MUC17: variants seen among roughly 807,000 people sequenced by gnomAD.
MUC17 encodes the protein mucin-17.
Under a neutral mutation model 170.3 loss-of-function variants are expected in MUC17, and 190 were observed. That is an observed-to-expected ratio of 1.12 (90% CI 0.99 to 1.26). The LOEUF (loss-of-function observed/expected upper bound fraction) is 1.26. Among genes scored for constraint, MUC17 ranks in the 50% most tolerant of loss-of-function variants. The pLI, the probability that MUC17 is intolerant of heterozygous loss-of-function variation, is 0.00. For synonymous variants in MUC17, 2,325 were observed against 2,002.5 expected (o/e 1.16, Z -4.30); for missense variants, 6,415 against 5,530.0 (o/e 1.16, Z -5.08).
rs1562807445 is a variant in MUC17, at chr7:101,035,016, TC to T, written c.3602del (p.Pro1201LeufsTer21). The T allele has an allele frequency of 1.7e-5, 28 of 1,613,998 alleles. No individual in the cohort carries two copies. The highest frequency in any genetic ancestry group is 2.1e-5 in the Non-Finnish European group (25 of 1,179,998). ...CCACTTCTACTGAAGCCAGTTCACC[TC>T]CTCCAACTGCTGAAGTTACCAGCAT... ...VATSTEASSPPPTAEVTSMPT... is the reference protein window; with the variant it reads ...VATSTEASSPXPTAEVTSMPT... On this transcript the variant is annotated frameshift_variant, in exon 3 of 13. Transcript: ENST00000306151. LOFTEE classifies it high-confidence loss of function.
At chr7:101,057,169 T>C (rs1417731394) in intron 12 of MUC17, among the ~76,000 whole-genome samples, 3 of 152,226 alleles carry the variant, frequency 2.0e-5, no homozygotes, top group Non-Finnish European at 4.4e-5. Context: ...CTTCAACAAG[T>C]ATATAACATC....
intron 12 of MUC17, among the ~76,000 whole-genome samples, chr7:101,057,125 T>C (rs1002074647): frequency 1.3e-5 from 2 of 152,162 alleles, no homozygotes; most frequent in Non-Finnish European, 2.9e-5. Context: ...AGATTAAACA[T>C]TTTTGTTATA....
Position 101,053,037 on chromosome 7 carries a change from C to T in MUC17, c.13155C>T (p.Gly4385=), listed in dbSNP as rs1240382058. 1.2e-6 allele frequency: 2 copies of T among 1,614,164 alleles called. No individual in the cohort carries two copies. Among genetic ancestry groups the T allele is most frequent in the Non-Finnish European group, 8.5e-7 (1 of 1,180,028 alleles). Residue 4385 remains glycine (G), a synonymous_variant, in exon 10 of 13, where the codon GGC becomes GGT. Coordinates refer to ENST00000306151, the MANE Select transcript of MUC17 (RefSeq NM_001040105.2). Reference sequence around the variant, plus strand: ...ACAGTGGGGAGACCTGTAACCAGGGCACCCAGAAGAGTCTGGTGTACGGCC... The same window carrying T: ...ACAGTGGGGAGACCTGTAACCAGGGTACCCAGAAGAGTCTGGTGTACGGCC... ...HWYSGETCNQ[G]TQKSLVYGLV... is the part of the protein sequence containing the mutation.
chr7:101,045,760 T>C (rs1199836306), intron 3 of MUC17, among the ~76,000 whole-genome samples: 2 of 152,242 alleles, frequency 1.3e-5, no homozygotes, highest in Non-Finnish European at 2.9e-5. Context: ...TTGAGCTCTC[T>C]GATTCTCAGA....
rs749237615 is a variant in MUC17, at chr7:101,033,627, G to A, written c.2211G>A (p.Met737Ile). Residue 737 changes from methionine to isoleucine, a missense_variant, in exon 3 of 13, where the codon ATG (methionine) becomes ATA (isoleucine). Transcript: ENST00000306151. ...SSPTTADGASMPTSTPSEGST... is the reference protein window; with the variant it reads ...SSPTTADGASIPTSTPSEGST... ...CTACAACTGCTGATGGTGCCAGTAT[G>A]CCAACCTCAACTCCTAGTGAAGGAA... is the stretch of plus-strand genomic sequence containing the variant. 2 of 1,612,966 alleles carry A rather than the reference G, an allele frequency of 1.2e-6. No homozygotes were observed. Among genetic ancestry groups the A allele is most frequent in the Non-Finnish European group, 1.7e-6 (2 of 1,179,726 alleles).
Position 101,038,932 on chromosome 7 carries a change from C to G in MUC17, c.7516C>G (p.Pro2506Ala), listed in dbSNP as rs752883181. 9.3e-6 allele frequency: 15 copies of G among 1,613,914 alleles called. No homozygotes were observed. In the East Asian group the frequency reaches 2.7e-4, roughly 29 times the overall value. ...SPTTAEDIVV[P>A]ISTASEGSTL... ...TACAACTGCTGAAGATATCGTCGTG[C>G]CAATCTCAACTGCTAGTGAAGGAAG... The change falls in exon 3 of 13, where the codon CCA (proline) becomes GCA (alanine). Residue 2506 changes from proline to alanine, a missense_variant. Coordinates refer to ENST00000306151, the MANE Select transcript of MUC17 (RefSeq NM_001040105.2).
At position 101,032,710 on chromosome 7, in the gene MUC17, T is replaced by C. The variant is rs1387061188; in HGVS notation, c.1294T>C (p.Ser432Pro). ...TGTGACCACTGCTAGTGAAGCCAGC[T>C]CATCTCCCACAACTGCTGAAGATAC... ...TFVTTASEAS[S>P]SPTTAEDTSI... Residue 432 changes from serine to proline, a missense_variant, in exon 3 of 13, where the codon TCA becomes CCA. By Grantham distance (74) the Ser-to-Pro change is moderately conservative (BLOSUM62 -1). Transcript: ENST00000306151. 3 of 1,577,258 alleles carry C rather than the reference T, an allele frequency of 1.9e-6. No homozygotes were observed. In the South Asian group the frequency reaches 3.4e-5, roughly 18 times the overall value.
chr7:101,030,008 TA>T (rs1794248159), intron 1 of MUC17, among the ~76,000 whole-genome samples: 1 of 152,212 alleles, frequency 6.6e-6, no homozygotes, highest in African/African-American at 2.4e-5. Flanking sequence ...ACTTCCCAAG[TA>T]CTTAAGAAAT....
chr7:101,041,328 TC>T lies in MUC17; in HGVS notation c.9914del (p.Pro3305LeufsTer8), dbSNP rs1794694849. 1 of 1,611,070 alleles carries T rather than the reference TC, an allele frequency of 6.2e-7. No homozygotes were observed. The highest frequency in any genetic ancestry group is 1.3e-5 in the African/African-American group (1 of 74,550). The part of the protein sequence containing the change: ...SSETSTLSTT[P>X]ADTSTPVTTY... ...CTGAAACGAGCACCCTTTCAACAAC[TC>T]CTGCTGACACCAGCACACCTGTGAC... On this transcript the variant is annotated frameshift_variant, in exon 3 of 13. Transcript: ENST00000306151. LOFTEE classifies it high-confidence loss of function.
chr7:101,036,513 A>G lies in MUC17; in HGVS notation c.5097A>G (p.Thr1699=). The stretch of plus-strand genomic sequence containing the variant: ...CTTTAACAAGTATAACTGTCAGAAC[A>G]ACACCGGTGGCCAGCTCTGCAATCA... ...RTPLTSITVR[T]TPVASSAIST... Residue 1699 remains threonine, a synonymous_variant, in exon 3 of 13, where the codon ACA becomes ACG. Transcript: ENST00000306151. The G allele has an allele frequency of 6.3e-7, 1 of 1,596,308 alleles. No homozygotes were observed. Among genetic ancestry groups the G allele is most frequent in the Non-Finnish European group, 8.5e-7 (1 of 1,172,732 alleles).
chr7:101,041,891 C>A lies in MUC17; in HGVS notation c.10475C>A (p.Ser3492Tyr), dbSNP rs767059066. The change falls in exon 3 of 13, where the codon TCT (serine) becomes TAT (tyrosine). Residue 3492 changes from serine to tyrosine, a missense_variant. By Grantham distance (144) the Ser-to-Tyr change is moderately radical (BLOSUM62 -2). Coordinates refer to ENST00000306151, the MANE Select transcript of MUC17 (RefSeq NM_001040105.2). ...GACACCAGCACACCTGTGACCACTT[C>A]TTCTCCAACCAATTCATCTCCTACA... ...PVDTSTPVTT[S>Y]SPTNSSPTTA... 3.1e-6 allele frequency: 5 copies of A among 1,613,944 alleles called. No homozygotes were observed. Among genetic ancestry groups the A allele is most frequent in the Admixed American group, 3.3e-5 (2 of 59,980 alleles).
At position 101,035,945 on chromosome 7, in the gene MUC17, G is replaced by A. The variant is rs1206478067; in HGVS notation, c.4529G>A (p.Ser1510Asn). The A allele has an allele frequency of 6.2e-7, 1 of 1,612,754 alleles. No homozygotes were observed. Among genetic ancestry groups the A allele is most frequent in the South Asian group, 1.1e-5 (1 of 90,918 alleles). ...ACCAGCATAGCAATCTCAACGCCTA[G>A]TGAAGGAAGCACTGCATTAACAAGT... ...EGTSIAISTP[S>N]EGSTALTSIP... Residue 1510 changes from serine (S) to asparagine (N), a missense_variant, in exon 3 of 13, where the codon AGT (serine) becomes AAT (asparagine). By Grantham distance (46) the Ser-to-Asn change is conservative. Transcript: ENST00000306151.
chr7:101,039,387 T>C lies in MUC17; in HGVS notation c.7971T>C (p.Pro2657=), dbSNP rs747154920. Residue 2657 remains proline (P), a synonymous_variant, in exon 3 of 13, where the codon CCT becomes CCC. Coordinates refer to ENST00000306151, the MANE Select transcript of MUC17 (RefSeq NM_001040105.2). ...AGGCTAGCACCCTTTCAACAACTCC[T>C]GTTGACACCAGGACACTTGTGACCA... ...SSEASTLSTT[P]VDTRTLVTTS... 1.2e-6 allele frequency: 2 copies of C among 1,612,216 alleles called. No homozygotes were observed. Among genetic ancestry groups the C allele is most frequent in the Admixed American group, 1.7e-5 (1 of 59,670 alleles).
At position 101,039,507 on chromosome 7, in the gene MUC17, A is replaced by C; in HGVS notation, c.8091A>C (p.Ile2697=). The part of the protein sequence containing the change: ...PGERSTPLTN[I]LVSTTLLANS... The stretch of plus-strand genomic sequence containing the variant: ...AAAGAAGCACTCCATTAACAAATAT[A>C]CTTGTCAGCACCACGCTGTTGGCCA... Residue 2697 remains isoleucine (I), a synonymous_variant, in exon 3 of 13, where the codon ATA becomes ATC. Transcript: ENST00000306151. 6.2e-7 allele frequency: 1 copy of C among 1,608,274 alleles called. No individual in the cohort carries two copies. The highest frequency in any genetic ancestry group is 8.5e-7 in the Non-Finnish European group (1 of 1,177,820).
Position 101,034,003 on chromosome 7 carries a change from G to C in MUC17, c.2587G>C (p.Gly863Arg), listed in dbSNP as rs151141256. 6.3e-4 allele frequency: 1,004 copies of C among 1,599,664 alleles called. No homozygotes were observed. Among genetic ancestry groups the C allele is most frequent in the Non-Finnish European group, 8.2e-4 (965 of 1,172,382 alleles). ...CATGCCAACCTCAACTTATAGTGAAGGAAGAACTCCTTTAACAAGTATGCC... is the reference window on the plus strand; with the variant it reads ...CATGCCAACCTCAACTTATAGTGAACGAAGAACTCCTTTAACAAGTATGCC... ...TSMPTSTYSE[G>R]RTPLTSMPVS... The change falls in exon 3 of 13, where the codon GGA becomes CGA. Residue 863 changes from glycine (G) to arginine (R), a missense_variant. By Grantham distance (125) the Gly-to-Arg change is moderately radical (BLOSUM62 -2). Coordinates refer to ENST00000306151, the MANE Select transcript of MUC17 (RefSeq NM_001040105.2).
At chr7:101,051,495 C>T (rs952857889) in intron 7 of MUC17, 118 bp from the exon 8 acceptor site, 38 of 919,376 alleles carry the variant, frequency 4.1e-5, no homozygotes, top group South Asian at 3.9e-4. Flanking sequence ...CTGCCGGGGC[C>T]GGATTCCCAC....
intron 1 of MUC17, among the ~76,000 whole-genome samples, chr7:101,025,794 C>CA (rs35636191): frequency 0.17 from 16,590 of 96,010 alleles, 1,250 homozygotes; most frequent in Middle Eastern, 0.27. Context: ...ATCTCTCTCT[C>CA]AAAAAAAAAA....
chr7:101,038,626 G>C lies in MUC17; in HGVS notation c.7210G>C (p.Val2404Leu), dbSNP rs764795635. The change falls in exon 3 of 13, where the codon GTC becomes CTC. Residue 2404 changes from valine (V) to leucine (L), a missense_variant. By Grantham distance (32) the Val-to-Leu change is conservative. Transcript: ENST00000306151. ...EGSTPLTSVP[V>L]STMPVVSSEA... ...AAGCACTCCACTAACAAGTGTGCCT[G>C]TCAGCACCATGCCGGTGGTCAGTTC... 6.2e-7 allele frequency: 1 copy of C among 1,614,088 alleles called. No homozygotes were observed. The highest frequency in any genetic ancestry group is 8.5e-7 in the Non-Finnish European group (1 of 1,180,036).
At position 101,035,876 on chromosome 7, in the gene MUC17, T is replaced by C. The variant is rs2116425308; in HGVS notation, c.4460T>C (p.Val1487Ala). 1 of 1,606,358 alleles carries C rather than the reference T, an allele frequency of 6.2e-7. No homozygotes were observed. The highest frequency in any genetic ancestry group is 2.2e-5 in the East Asian group (1 of 44,558). ...TTPVDSNSPV[V>A]TSTAVSSSPT... ...CCTGTTGACTCTAACAGTCCTGTGGTCACTTCTACAGCAGTCAGTTCATCT... is the reference window on the plus strand; with the variant it reads ...CCTGTTGACTCTAACAGTCCTGTGGCCACTTCTACAGCAGTCAGTTCATCT... Residue 1487 changes from valine (V) to alanine (A), a missense_variant, in exon 3 of 13, where the codon GTC becomes GCC. Val to Ala is a moderately conservative substitution (Grantham distance 64). Transcript: ENST00000306151.
Sources: gnomAD v4.1 joint callset for allele counts (sites outside exome capture counted in the v4.1 genomes callset) on GRCh38, gnomAD v4.1.1 for gene constraint, MANE v1.5 for transcripts, NCBI Gene and HGNC (gene_info 2026-07-23, HGNC 2026-07-21) for gene names.